The following SPG11 variants were observed in gnomAD, a reference collection of about 807,000 sequenced individuals.
SPG11 encodes SPG11 vesicle trafficking associated, spatacsin.
Under a neutral mutation model 274.0 loss-of-function variants are expected in SPG11, and 222 were observed. That is an observed-to-expected ratio of 0.81 (90% CI 0.73 to 0.91). SPG11 has a LOEUF of 0.91. Among genes scored for constraint, SPG11 ranks in the 40% least tolerant of loss-of-function variants. The pLI is 0.00. For missense variants in SPG11, 3,114 were observed against 2,872.7 expected, an observed-to-expected ratio of 1.08 and a Z score of -1.92; for synonymous variants, 1,144 against 1,039.7, an observed-to-expected ratio of 1.10 and a Z score of -1.93.
At chr15:44,593,798 G>T (rs569072389) in intron 26 of SPG11, among the ~76,000 whole-genome samples, 7 of 149,256 alleles carry the variant, frequency 4.7e-5, no homozygotes, top group Admixed American at 2.0e-4. Flanking sequence ...CTGTCACCCA[G>T]GCTGCAGTGC....
intron 33 of SPG11, among the ~76,000 whole-genome samples, 163 bp from the exon 34 acceptor site, chr15:44,570,821 G>C (rs2082408035): frequency 6.6e-6 from 1 of 152,196 alleles, no homozygotes; most frequent in African/African-American, 2.4e-5. Context: ...CTGTAGCTTT[G>C]AGACAGCCCC....
intron 36 of SPG11, among the ~76,000 whole-genome samples, chr15:44,566,684 T>C (rs1207969952): frequency 6.6e-6 from 1 of 152,140 alleles, no homozygotes; most frequent in Non-Finnish European, 1.5e-5. Context: ...GGGGTCCTGC[T>C]GAGCGACATA....
chr15:44,613,351 G>A, intron 17 of SPG11, 79 bp downstream of exon 17: 1 of 927,648 alleles, frequency 1.1e-6, no homozygotes, highest in Non-Finnish European at 1.8e-6. Flanking sequence ...ATTTAAAAGA[G>A]TTCACAAGTT....
intron 32 of SPG11, among the ~76,000 whole-genome samples, chr15:44,573,147 C>T (rs1203663936): frequency 4.0e-5 from 6 of 151,884 alleles, no homozygotes; most frequent in South Asian, 2.1e-4. Flanking sequence ...CCAACACGCC[C>T]GGCTACTTTT....
Position 44,620,546 on chromosome 15 carries a change from A to ATTTTCC in SPG11, c.2621-149_2621-144dup, listed in dbSNP as rs1367173054. ...AATTATTCAGGTCCTCTGTTTTACT[A>ATTTTCC]TTTTCCTTTTTTTGAGACAGGATCT... On this transcript the variant is annotated intron_variant, in intron 14 of 39. Transcript: ENST00000261866. 5 of 708,956 alleles carry ATTTTCC rather than the reference A, an allele frequency of 7.1e-6. No individual in the cohort carries two copies. The African/African-American group carries it at 9.1e-5, about 13-fold the overall frequency. 43.9% of individuals were successfully genotyped at this position (708,956 alleles called of 1,614,324 possible). A position where few individuals can be genotyped will look rare whatever the true frequency, so the allele number is the denominator to read the frequency against.
At chr15:44,638,481 C>CA (rs1450429864) in intron 7 of SPG11, among the ~76,000 whole-genome samples, 7 of 143,344 alleles carry the variant, frequency 4.9e-5, no homozygotes. Flanking sequence ...AACAAACAAA[C>CA]AACAAAAAAA....
chr15:44,594,007 T>C (rs867997086), intron 26 of SPG11, among the ~76,000 whole-genome samples: 1 of 150,954 alleles, frequency 6.6e-6, no homozygotes, highest in Non-Finnish European at 1.5e-5. Context: ...TGGCCTCAAA[T>C]GATCCGCCCG....
rs2082926713 is a variant in SPG11 at position 44,592,458 on chromosome 15, A to T, written c.4636-20T>A. 1 of 1,406,086 alleles carries T rather than the reference A, an allele frequency of 7.1e-7. No individual in the cohort carries two copies. The highest frequency in any genetic ancestry group is 1.7e-5 in the Admixed American group (1 of 59,708). The allele number at this position is 1,406,086 out of a possible 1,614,324, so 87.1% of individuals were successfully genotyped here. On this transcript the variant is annotated intron_variant, in intron 26 of 39. Transcript: ENST00000261866. The stretch of plus-strand genomic sequence containing the variant: ...GGAATCCTTTGACAAAGAGTTTGAA[A>T]AAAATTACAAAATTTTGAACTTAAT...
chr15:44,593,338 C>T (rs2082950395), intron 26 of SPG11, among the ~76,000 whole-genome samples: 1 of 152,116 alleles, frequency 6.6e-6, no homozygotes, highest in Non-Finnish European at 1.5e-5. Flanking sequence ...ACTAGAGGTG[C>T]GTGCCACCGT....
chr15:44,662,814 G>A lies in SPG11; in HGVS notation c.257+577C>T, dbSNP rs536578851. ...TGTCTTCCCCAAACATGCGCGCCTC[G>A]CAAGAAAGAAGTGTCTTACTCAACT... On this transcript the variant is annotated intron_variant, in intron 1 of 39. Coordinates refer to ENST00000261866, the MANE Select transcript of SPG11 (RefSeq NM_025137.4). Among the ~76,000 whole-genome samples the A allele has an allele frequency of 1.1e-3, 175 of 152,226 alleles. 1 individual carries two copies. The highest frequency in any genetic ancestry group is 4.0e-3 in the African/African-American group (167 of 41,526).
intron 8 of SPG11, among the ~76,000 whole-genome samples, chr15:44,631,839 C>T (rs2084073073): frequency 7.6e-6 from 1 of 131,994 alleles, no homozygotes; most frequent in African/African-American, 2.9e-5. Flanking sequence ...GACAGAGTCT[C>T]ACTCTGTTGC....
At chr15:44,633,324 CAAAAAAAAAAAAAAAAAA>C (rs531787427) in intron 8 of SPG11, 163 bp downstream of exon 8, 1,366 of 108,718 alleles carry the variant, frequency 0.013, 10 homozygotes, top group East Asian at 0.05. Context: ...GACTCTGTCT[CAAAAAAAAAAAAAAAAAA>C]AAAAAAAAAA....
At chr15:44,640,696 C>G (rs2084414074) in intron 7 of SPG11, among the ~76,000 whole-genome samples, 1 of 152,106 alleles carries the variant, frequency 6.6e-6, no homozygotes, top group South Asian at 2.1e-4. Flanking sequence ...ATATGACACT[C>G]AAGACATTTC....
intron 18 of SPG11, 45 bp downstream of exon 18, chr15:44,610,794 TA>T: frequency 6.4e-7 from 1 of 1,557,294 alleles, no homozygotes; most frequent in Non-Finnish European, 8.9e-7. Flanking sequence ...ATAATTCTGC[TA>T]AATTTAAAAA....
chr15:44,572,211 T>A (rs1447969093), intron 33 of SPG11, among the ~76,000 whole-genome samples: 3 of 152,168 alleles, frequency 2.0e-5, no homozygotes, highest in Non-Finnish European at 4.4e-5. Context: ...AGTAAAAAAA[T>A]TATAAACTAT....
intron 31 of SPG11, among the ~76,000 whole-genome samples, chr15:44,573,994 A>AC (rs2082481856): frequency 6.6e-6 from 1 of 152,000 alleles, no homozygotes; most frequent in Non-Finnish European, 1.5e-5. Context: ...TTGGACACTT[A>AC]TTTTTTTGGC....
rs199952929 is a variant in SPG11 at position 44,663,636 on chromosome 15, C to T, written c.12G>A (p.Glu4=). The T allele has an allele frequency of 3.8e-6, 6 of 1,595,152 alleles. No homozygotes were observed. The highest frequency in any genetic ancestry group is 1.7e-4 in the Middle Eastern group (1 of 6,042). The change falls in exon 1 of 40, where the codon GAG becomes GAA. Residue 4 remains glutamate (E), a synonymous_variant. Transcript: ENST00000261866. The part of the protein sequence containing the change: MAA[E]EGVASAASAG... ...CGGAAGCAGCACTCGCGACCCCTTCCTCTGCAGCCATCTTGGCCCGGCGGT... is the reference window on the plus strand; with the variant it reads ...CGGAAGCAGCACTCGCGACCCCTTCTTCTGCAGCCATCTTGGCCCGGCGGT...
At chr15:44,613,300 C>G (rs1285634343) in intron 17 of SPG11, 130 bp downstream of exon 17, 3 of 707,872 alleles carry the variant, frequency 4.2e-6, no homozygotes, top group Non-Finnish European at 5.1e-6. Context: ...CAAGTGTGAG[C>G]CTAGATTACA....
intron 7 of SPG11, among the ~76,000 whole-genome samples, chr15:44,636,246 A>G (rs1417057532): frequency 2.0e-5 from 3 of 152,116 alleles, no homozygotes; most frequent in Non-Finnish European, 2.9e-5. Context: ...CCCGCCAAAA[A>G]AAGATAAACT....
Sources: gnomAD v4.1 joint callset for allele counts (sites outside exome capture counted in the v4.1 genomes callset) on GRCh38, gnomAD v4.1.1 for gene constraint, MANE v1.5 for transcripts, NCBI Gene and HGNC (gene_info 2026-07-23, HGNC 2026-07-21) for gene names.